Variants in HIVEP1 observed in about 807,000 individuals in gnomAD.
The protein encoded by HIVEP1 is HIVEP zinc finger 1.
A neutral mutation model predicts 180.0 loss-of-function variants in HIVEP1; 36 were observed. That is an observed-to-expected ratio of 0.20 (90% CI 0.15 to 0.26). HIVEP1 has a LOEUF of 0.26. HIVEP1 is among the 10% of genes least tolerant of loss of function. HIVEP1 has a pLI of 1.00. For synonymous variants in HIVEP1, 1,239 were observed against 1,239.0 expected (o/e 1.00, Z 0.00); for missense variants, 3,143 against 3,268.7 (o/e 0.96, Z 0.94).
intron 3 of HIVEP1, among the ~76,000 whole-genome samples, chr6:12,102,474 C>T (rs115332353): frequency 6.8e-6 from 1 of 147,630 alleles, no homozygotes; most frequent in African/African-American, 2.5e-5. Context: ...CCACATTGTC[C>T]CTAAGAGGAG....
At chr6:12,029,705 A>T (rs111558097) in intron 2 of HIVEP1, among the ~76,000 whole-genome samples, 4,180 of 152,140 alleles carry the variant, frequency 0.027, 192 homozygotes, top group African/African-American at 0.096. Context: ...TTTCTCCAGT[A>T]TCTCCTTTTC....
intron 2 of HIVEP1, chr6:12,038,679 A>C (rs1379333861): frequency 7.1e-6 from 1 of 141,076 alleles, no homozygotes; most frequent in Non-Finnish European, 1.5e-5. Flanking sequence ...CTCAACAACG[A>C]CAACAACAAC....
At chr6:12,034,019 T>G (rs1404636219) in intron 2 of HIVEP1, among the ~76,000 whole-genome samples, 1 of 152,164 alleles carries the variant, frequency 6.6e-6, no homozygotes, top group Non-Finnish European at 1.5e-5. Context: ...TTGTAGGCAG[T>G]CTCTTCACCC....
downstream of HIVEP1, among the ~76,000 whole-genome samples, chr6:12,166,911 G>C (rs1395365032): frequency 6.6e-6 from 1 of 152,110 alleles, no homozygotes; most frequent in African/African-American, 2.4e-5. Flanking sequence ...ATCATCAGAA[G>C]TACTGGAAAA....
At chr6:12,118,665 T>C (rs1428256451) in intron 3 of HIVEP1, among the ~76,000 whole-genome samples, 1 of 152,204 alleles carries the variant, frequency 6.6e-6, no homozygotes, top group Admixed American at 6.5e-5. Flanking sequence ...ATTGAATATT[T>C]TGTTGAGTTA....
chr6:12,065,842 G>T (rs1771539788), intron 2 of HIVEP1, among the ~76,000 whole-genome samples: 1 of 152,168 alleles, frequency 6.6e-6, no homozygotes, highest in African/African-American at 2.4e-5. Flanking sequence ...TGGCAGAGCT[G>T]ATAAACGATT....
In HIVEP1 at chr6:12,124,830, A is replaced by C; in HGVS notation, c.5035A>C (p.Ile1679Leu). ...CCAGACTAATCATAGTGTAGTGCCA[A>C]TCAGTGAAGAACAAAATTCTGTGCC... is the stretch of plus-strand genomic sequence containing the variant. The part of the protein sequence containing the change: ...ICQTNHSVVP[I>L]SEEQNSVPTL... Residue 1679 changes from isoleucine to leucine, a missense_variant, in exon 4 of 9, where the codon ATC (isoleucine) becomes CTC (leucine). Around this residue, in one of 12 missense-constraint regions of HIVEP1, gnomAD observed 1,357 missense variants for 1,260.5 expected, o/e 1.08. Coordinates refer to ENST00000379388, the MANE Select transcript of HIVEP1 (RefSeq NM_002114.4). The C allele has an allele frequency of 6.2e-7, 1 of 1,614,224 alleles. No individual in the cohort carries two copies.
intron 1 of HIVEP1, among the ~76,000 whole-genome samples, chr6:12,014,405 A>C (rs1767605418): frequency 6.6e-6 from 1 of 152,204 alleles, no homozygotes; most frequent in African/African-American, 2.4e-5. Flanking sequence ...TGAATAAATG[A>C]TAGCTACCTT....
upstream of HIVEP1, among the ~76,000 whole-genome samples, chr6:12,011,409 G>A (rs1767291172): frequency 6.7e-6 from 1 of 149,638 alleles, no homozygotes; most frequent in African/African-American, 2.5e-5. Flanking sequence ...GGCCCCGCCC[G>A]TCCCGTCCCT....
the HIVEP1 span, among the ~76,000 whole-genome samples, chr6:12,208,316 G>C: frequency 6.6e-6 from 1 of 152,174 alleles, no homozygotes; most frequent in African/African-American, 2.4e-5. Context: ...CTCGCCCTGT[G>C]ATGAGCCCTG....
At position 12,131,039 on chromosome 6, in the gene HIVEP1, G is replaced by T. The variant is rs1758390126; in HGVS notation, c.6385+97G>T. On this transcript the variant is annotated intron_variant, in intron 6 of 8. Transcript: ENST00000379388. ...GTTTTCTTTGACCGATGAAATAGCA[G>T]CTTAAATAGACTAATGTCAATTACA... 4 of 753,060 alleles carry T rather than the reference G, an allele frequency of 5.3e-6. No individual in the cohort carries two copies. The East Asian group carries it at 1.0e-4, about 19-fold the overall frequency. 46.6% of individuals were successfully genotyped at this position (753,060 alleles called of 1,614,324 possible). A position where few individuals can be genotyped will look rare whatever the true frequency, so the allele number is the denominator to read the frequency against.
chr6:12,087,611 T>G (rs1331948692), intron 2 of HIVEP1, among the ~76,000 whole-genome samples: 1 of 152,100 alleles, frequency 6.6e-6, no homozygotes, highest in Non-Finnish European at 1.5e-5. Context: ...TGTATTTCGT[T>G]TTTTAAAAGT....
intron 2 of HIVEP1, among the ~76,000 whole-genome samples, chr6:12,021,496 C>T (rs1349889311): frequency 2.0e-5 from 3 of 152,198 alleles, no homozygotes; most frequent in Non-Finnish European, 4.4e-5. Context: ...TCCTCCTCCC[C>T]TCCACAGACA....
chr6:12,205,650 C>G, the HIVEP1 span, among the ~76,000 whole-genome samples: 2 of 152,088 alleles, frequency 1.3e-5, no homozygotes, highest in Non-Finnish European at 2.9e-5. Flanking sequence ...ACAACCATAC[C>G]TACCCCTTGA....
downstream of HIVEP1, chr6:12,165,177 G>T: frequency 2.0e-6 from 1 of 493,212 alleles, no homozygotes; most frequent in Non-Finnish European, 4.0e-6. Flanking sequence ...ACAACTGATT[G>T]ACCTATTTTT....
chr6:12,064,747 T>G (rs146785586), intron 2 of HIVEP1, among the ~76,000 whole-genome samples: 3 of 152,158 alleles, frequency 2.0e-5, no homozygotes, highest in Admixed American at 6.5e-5. Context: ...CCCCACGCCG[T>G]ACACACACAT....
upstream of HIVEP1, among the ~76,000 whole-genome samples, chr6:12,011,835 C>T (rs954483504): frequency 2.7e-5 from 4 of 146,842 alleles, no homozygotes; most frequent in African/African-American, 7.4e-5. Flanking sequence ...GCGCCCCTCG[C>T]CCCGGCCTCA....
At chr6:12,098,037 A>G (rs1773875396) in intron 3 of HIVEP1, among the ~76,000 whole-genome samples, 2 of 152,184 alleles carry the variant, frequency 1.3e-5, no homozygotes, top group African/African-American at 4.8e-5. Flanking sequence ...TACTTATAGC[A>G]TATTTCATTG....
rs751147510 is a variant in HIVEP1 at position 12,124,438 on chromosome 6, G to C, written c.4643G>C (p.Gly1548Ala). The change falls in exon 4 of 9, where the codon GGG (glycine) becomes GCG (alanine). Residue 1548 changes from glycine to alanine, a missense_variant. Around this residue, in one of 12 missense-constraint regions of HIVEP1, gnomAD observed 1,357 missense variants for 1,260.5 expected, o/e 1.08. Coordinates refer to ENST00000379388, the MANE Select transcript of HIVEP1 (RefSeq NM_002114.4). The part of the protein sequence containing the change: ...SKPDKNSVLS[G>A]SSKSEDCFAP... ...CCAGATAAAAATTCTGTTTTATCTG[G>C]GTCTTCTAAAAGTGAGGATTGCTTT... 6.2e-6 allele frequency: 10 copies of C among 1,614,012 alleles called. 1 individual carries two copies. In the East Asian group the frequency reaches 2.2e-4, roughly 36 times the overall value.
Sources: gnomAD v4.1 joint callset for allele counts (sites outside exome capture counted in the v4.1 genomes callset) on GRCh38, gnomAD v4.1.1 for gene constraint, gnomAD v4.1.1 regional missense constraint, MANE v1.5 for transcripts, NCBI Gene and HGNC (gene_info 2026-07-23, HGNC 2026-07-21) for gene names.